LIMCH1: variants seen among roughly 807,000 people sequenced by gnomAD.
LIMCH1 encodes the protein LIM and calponin homology domains-containing protein 1.
A neutral mutation model predicts 176.5 loss-of-function variants in LIMCH1; 113 were observed. The observed-to-expected ratio is 0.64, with a 90% CI of 0.55 to 0.75. The LOEUF (loss-of-function observed/expected upper bound fraction) is 0.75, where lower values mean the gene tolerates loss of function less well. Ranked by LOEUF, LIMCH1 falls within the 30% of genes least tolerant of loss-of-function variation. The probability of loss-of-function intolerance (pLI) is 0.00; values close to 1 mark genes in which losing one functional copy is unlikely to be tolerated. For synonymous variants in LIMCH1, 619 were observed against 645.9 expected, an observed-to-expected ratio of 0.96 and a Z score of 0.63; for missense variants, 1,674 against 1,814.9, an observed-to-expected ratio of 0.92 and a Z score of 1.41.
At chr4:41,400,759 T>A (rs1314363518) in intron 1 of LIMCH1, among the ~76,000 whole-genome samples, 1 of 152,230 alleles carries the variant, frequency 6.6e-6, no homozygotes, top group African/African-American at 2.4e-5. Context: ...CAATTCTGGA[T>A]ATATTTTGAT....
chr4:41,476,951 A>G (rs919758124), intron 1 of LIMCH1, among the ~76,000 whole-genome samples: 1 of 152,288 alleles, frequency 6.6e-6, no homozygotes, highest in East Asian at 1.9e-4. Context: ...TTATTTTCTT[A>G]TTACACATTT....
In LIMCH1 at chr4:41,633,544, C is replaced by A; in HGVS notation, c.1830-4C>A. The A allele has an allele frequency of 6.5e-7, 1 of 1,535,720 alleles. No homozygotes were observed. Among genetic ancestry groups the A allele is most frequent in the Non-Finnish European group, 8.7e-7 (1 of 1,146,768 alleles). The stretch of plus-strand genomic sequence containing the variant: ...TTGACTGGCTGGACTGAATGTTGCC[C>A]TAGGGTGTGTCCTCTGGCCTCTGAG... On this transcript the variant is annotated splice_polypyrimidine_tract_variant and splice_region_variant and intron_variant, in intron 12 of 31. Transcript: ENST00000503057.
chr4:41,615,753 G>A (rs780623708), intron 5 of LIMCH1, among the ~76,000 whole-genome samples: 3 of 152,148 alleles, frequency 2.0e-5, no homozygotes, highest in Non-Finnish European at 2.9e-5. Context: ...TAAGTCTTGA[G>A]AATTTATTTC....
At chr4:41,480,459 T>C (rs2068407270) in intron 1 of LIMCH1, among the ~76,000 whole-genome samples, 1 of 151,986 alleles carries the variant, frequency 6.6e-6, no homozygotes, top group Non-Finnish European at 1.5e-5. Flanking sequence ...ATACAAAAAT[T>C]AGCTGGGTGT....
intron 2 of LIMCH1, among the ~76,000 whole-genome samples, chr4:41,503,004 TCCATCCATCCATCCATCC>T (rs2073626873): frequency 6.8e-6 from 1 of 147,128 alleles, no homozygotes; most frequent in African/African-American, 2.6e-5. Flanking sequence ...TGTCTGTCCA[TCCATCCATCCATCCATCC>T]ATCCATCCAT....
In LIMCH1 at chr4:41,605,930, A is replaced by G. The variant is rs2090644707; in HGVS notation, c.-66A>G. The stretch of plus-strand genomic sequence containing the variant: ...CATTTACTGGCTGGGAAAAGCAGCA[A>G]ACAGCTGCACATCCTACAGCGGAAC... On this transcript the variant is annotated 5_prime_UTR_variant, in exon 4 of 32. Coordinates refer to ENST00000503057, the MANE Select transcript of LIMCH1 (RefSeq NM_001330672.2). 3.7e-6 allele frequency: 6 copies of G among 1,613,710 alleles called. No homozygotes were observed. Among genetic ancestry groups the G allele is most frequent in the Non-Finnish European group, 5.1e-6 (6 of 1,179,710 alleles).
chr4:41,536,792 A>G (rs2077997411), upstream of LIMCH1, among the ~76,000 whole-genome samples: 1 of 152,232 alleles, frequency 6.6e-6, no homozygotes, highest in Non-Finnish European at 1.5e-5. Flanking sequence ...TTAAGGAGAC[A>G]TAATGATTAA....
chr4:41,411,761 C>T (rs574370475), intron 1 of LIMCH1, among the ~76,000 whole-genome samples: 1 of 151,656 alleles, frequency 6.6e-6, no homozygotes, highest in South Asian at 2.1e-4. Context: ...GAGTTCAAGA[C>T]CAGCCTGGCC....
At chr4:41,667,411 C>CGTGT (rs148461748) in intron 21 of LIMCH1, among the ~76,000 whole-genome samples, 3 of 149,960 alleles carry the variant, frequency 2.0e-5, no homozygotes, top group Non-Finnish European at 3.0e-5. Context: ...ATATGAGAAA[C>CGTGT]GTGTGTGTGT....
chr4:41,567,389 C>T (rs138406769), intron 1 of LIMCH1, among the ~76,000 whole-genome samples: 10 of 152,266 alleles, frequency 6.6e-5, no homozygotes, highest in African/African-American at 7.2e-5. Flanking sequence ...TTTATAAGCA[C>T]GTCAGCAAAA....
At chr4:41,393,286 A>G (rs1175499941) in intron 1 of LIMCH1, among the ~76,000 whole-genome samples, 1 of 152,108 alleles carries the variant, frequency 6.6e-6, no homozygotes, top group Non-Finnish European at 1.5e-5. Flanking sequence ...AGTGGCCAGG[A>G]GGAGTGTGCT....
chr4:41,628,400 A>G (rs917117272), intron 8 of LIMCH1, among the ~76,000 whole-genome samples: 2 of 149,710 alleles, frequency 1.3e-5, no homozygotes, highest in Admixed American at 1.3e-4. Context: ...CTCTCTAGAC[A>G]GCATCAAAGA....
chr4:41,573,056 A>G (rs1367515939), intron 1 of LIMCH1, among the ~76,000 whole-genome samples: 2 of 152,216 alleles, frequency 1.3e-5, no homozygotes, highest in African/African-American at 4.8e-5. Context: ...CTCCAAACCA[A>G]TGTATGGCAA....
chr4:41,408,469 A>G (rs183512459), intron 1 of LIMCH1, among the ~76,000 whole-genome samples: 12 of 152,332 alleles, frequency 7.9e-5, no homozygotes, highest in Admixed American at 2.0e-4. Flanking sequence ...AGATGAGGAA[A>G]TGGAGACTCA....
intron 1 of LIMCH1, among the ~76,000 whole-genome samples, chr4:41,405,100 G>T (rs551512271): frequency 6.6e-6 from 1 of 152,230 alleles, no homozygotes; most frequent in South Asian, 2.1e-4. Context: ...TTCCTTCAGG[G>T]TGTGCACCTG....
At chr4:41,368,927 T>C (rs1463740479) in intron 1 of LIMCH1, among the ~76,000 whole-genome samples, 3 of 152,224 alleles carry the variant, frequency 2.0e-5, no homozygotes, top group African/African-American at 7.2e-5. Context: ...CTGTAGAGGC[T>C]GTACTCCACT....
chr4:41,557,531 A>T (rs1444536366), intron 1 of LIMCH1, among the ~76,000 whole-genome samples: 1 of 140,752 alleles, frequency 7.1e-6, no homozygotes, highest in Non-Finnish European at 1.5e-5. Flanking sequence ...TGTGTTTTAA[A>T]AATCTTTATT....
intron 14 of LIMCH1, among the ~76,000 whole-genome samples, chr4:41,639,512 G>C (rs1419953510): frequency 6.6e-6 from 1 of 152,122 alleles, no homozygotes; most frequent in South Asian, 2.1e-4. Context: ...TTAGCAGGGG[G>C]CCAAGGATGT....
intron 1 of LIMCH1, among the ~76,000 whole-genome samples, chr4:41,565,815 G>A (rs976506054): frequency 2.6e-5 from 4 of 152,194 alleles, no homozygotes; most frequent in East Asian, 1.9e-4. Flanking sequence ...TCTGGACCAG[G>A]GTAGGTATCC....
Sources: gnomAD v4.1 joint callset for allele counts (sites outside exome capture counted in the v4.1 genomes callset) on GRCh38, gnomAD v4.1.1 for gene constraint, MANE v1.5 for transcripts, NCBI Gene and HGNC (gene_info 2026-07-23, HGNC 2026-07-21) for gene names.